MROH2B: variants seen among roughly 807,000 people sequenced by gnomAD.
MROH2B encodes maestro heat like repeat family member 2B, also known as maestro heat-like repeat-containing protein family member 2B.
In MROH2B, 177 loss-of-function variants were observed where a neutral mutation model predicts 208.6. That is an observed-to-expected ratio of 0.85 (90% confidence interval 0.75 to 0.96). The LOEUF is 0.96. Ranked by LOEUF, MROH2B falls within the 40% of genes least tolerant of loss-of-function variation. The probability of loss-of-function intolerance (pLI) is 0.00; values close to 1 mark genes in which losing one functional copy is unlikely to be tolerated. For synonymous variants in MROH2B, 728 were observed against 659.0 expected, an observed-to-expected ratio of 1.10 and a Z score of -1.60; for missense variants, 2,002 against 1,878.7, an observed-to-expected ratio of 1.07 and a Z score of -1.21.
At chr5:41,066,322 C>A (rs1441072883) in intron 3 of MROH2B, among the ~76,000 whole-genome samples, 1 of 152,144 alleles carries the variant, frequency 6.6e-6, no homozygotes, top group Non-Finnish European at 1.5e-5. Context: ...AATATATACT[C>A]ATAAAACCAT....
Position 41,064,917 on chromosome 5 carries a change from C to G in MROH2B, c.362-347G>C, listed in dbSNP as rs549979418. Among the ~76,000 whole-genome samples, 25 of 152,278 alleles carry G rather than the reference C, an allele frequency of 1.6e-4. No homozygotes were observed. In the South Asian group the frequency reaches 5.0e-3, roughly 30 times the overall value. On this transcript the variant is annotated intron_variant, in intron 4 of 41. Coordinates refer to ENST00000399564, the MANE Select transcript of MROH2B (RefSeq NM_173489.5). ...ATTAATTTATTAATGTCAATCTCTC[C>G]CACCAGATCTTTCCTGTATCCCCAA...
chr5:41,065,368 G>T lies in MROH2B; in HGVS notation c.324C>A (p.Phe108Leu), dbSNP rs371986783. Residue 108 changes from phenylalanine (F) to leucine (L), a missense_variant, in exon 4 of 42, where the codon TTC becomes TTA. By Grantham distance (22) the Phe-to-Leu change is conservative. Coordinates refer to ENST00000399564, the MANE Select transcript of MROH2B (RefSeq NM_173489.5). Reference protein sequence around the residue: ...NFRILELPDEFVVLALAELAT... With the variant: ...NFRILELPDELVVLALAELAT... ...CCAATTCAGCCAGGGCAAGCACAAC[G>T]AATTCATCTGGTAGCTCTAAGATCC... 6.8e-6 allele frequency: 11 copies of T among 1,613,092 alleles called. No homozygotes were observed. Among genetic ancestry groups the T allele is most frequent in the East Asian group, 2.2e-5 (1 of 44,874 alleles).
At chr5:41,039,596 T>G in intron 19 of MROH2B, 41 bp from the exon 20 acceptor site, 1 of 1,362,222 alleles carries the variant, frequency 7.3e-7, no homozygotes, top group Non-Finnish European at 1.0e-6. Flanking sequence ...TTTAACCATT[T>G]ATTTATTCAA....
Position 41,018,762 on chromosome 5 carries a change from C to A in MROH2B, c.2602G>T (p.Ala868Ser), listed in dbSNP as rs563729861. 7 of 1,613,666 alleles carry A rather than the reference C, an allele frequency of 4.3e-6. No homozygotes were observed. Among genetic ancestry groups the A allele is most frequent in the Non-Finnish European group, 5.9e-6 (7 of 1,179,840 alleles). Residue 868 changes from alanine to serine, a missense_variant, in exon 26 of 42, where the codon GCC becomes TCC. Physicochemically the swap from Ala to Ser is moderately conservative, Grantham distance 99. Transcript: ENST00000399564. The stretch of plus-strand genomic sequence containing the variant: ...ATGGTCTTCAGAAGTTTTCCTAGGG[C>A]GTCCATGGATCGTTCATAGAGAAAC... ...IQFLYERSMD[A>S]LGKLLKTMMW...
Position 41,038,830 on chromosome 5 carries a change from G to A in MROH2B, c.2120C>T (p.Ala707Val). 3.1e-6 allele frequency: 5 copies of A among 1,613,572 alleles called. No individual in the cohort carries two copies. Among genetic ancestry groups the A allele is most frequent in the Non-Finnish European group, 4.2e-6 (5 of 1,179,712 alleles). The change falls in exon 21 of 42, where the codon GCA (alanine) becomes GTA (valine). Residue 707 changes from alanine to valine, a missense_variant. Physicochemically the swap from Ala to Val is moderately conservative, Grantham distance 64. Transcript: ENST00000399564. ...CTTCTTGGGAGCATGGAGGGCCACT[G>A]CTCCATAGATGACCATGACATCTGT... ...TKTDVMVIYGAVALHAPKKQL... is the reference protein window; with the variant it reads ...TKTDVMVIYGVVALHAPKKQL...
chr5:41,056,968 G>A, intron 9 of MROH2B, 141 bp downstream of exon 9: 1 of 883,102 alleles, frequency 1.1e-6, no homozygotes, highest in Admixed American at 2.2e-5. Flanking sequence ...GGCAGGCACA[G>A]AAAACTGTGA....
intron 24 of MROH2B, among the ~76,000 whole-genome samples, chr5:41,022,394 G>A (rs935947250): frequency 1.3e-5 from 2 of 152,098 alleles, no homozygotes; most frequent in Non-Finnish European, 2.9e-5. Flanking sequence ...GGCACACCAG[G>A]AGATTATATC....
At chr5:41,028,985 T>C (rs1579928488) in intron 24 of MROH2B, among the ~76,000 whole-genome samples, 1 of 152,120 alleles carries the variant, frequency 6.6e-6, no homozygotes, top group Admixed American at 6.6e-5. Flanking sequence ...TTTGGGTATA[T>C]ACACAGAAGA....
intron 16 of MROH2B, 119 bp downstream of exon 16, chr5:41,048,205 A>G: frequency 8.0e-7 from 1 of 1,254,372 alleles, no homozygotes; most frequent in Non-Finnish European, 1.1e-6. Context: ...TACCTTGCAT[A>G]TCAAGTTCAT....
At chr5:41,049,228 A>G (rs1579948470) in intron 14 of MROH2B, 52 bp downstream of exon 14, 1 of 1,610,874 alleles carries the variant, frequency 6.2e-7, no homozygotes, top group East Asian at 2.2e-5. Context: ...GCCTTCCTGG[A>G]AATGGATCCC....
rs529783908 is a variant in MROH2B at position 41,049,438 on chromosome 5, T to C, written c.1345-2A>G. 1 of 1,609,272 alleles carries C rather than the reference T, an allele frequency of 6.2e-7. No homozygotes were observed. The highest frequency in any genetic ancestry group is 1.3e-5 in the African/African-American group (1 of 74,740). Reference sequence around the variant, plus strand: ...AGTCAGGATCCTTGGCCATAGCACCTGTGGAAAACAGGGCATGATGCAAGG... The same window carrying C: ...AGTCAGGATCCTTGGCCATAGCACCCGTGGAAAACAGGGCATGATGCAAGG... On this transcript the variant is annotated splice_acceptor_variant, in intron 13 of 41. Coordinates refer to ENST00000399564, the MANE Select transcript of MROH2B (RefSeq NM_173489.5). LOFTEE classifies it high-confidence loss of function.
In MROH2B at chr5:41,033,162, T is replaced by C; in HGVS notation, c.2242-2A>G. 1.2e-6 allele frequency: 2 copies of C among 1,612,476 alleles called. No individual in the cohort carries two copies. The highest frequency in any genetic ancestry group is 1.7e-6 in the Non-Finnish European group (2 of 1,178,950). On this transcript the variant is annotated splice_acceptor_variant, in intron 22 of 41. Transcript: ENST00000399564. LOFTEE classifies it high-confidence loss of function. Reference sequence around the variant, plus strand: ...GAAACTCATTTGCAGATCCATGTCCTAAAGCAAAAGCATTTACAATGCAAG... The same window carrying C: ...GAAACTCATTTGCAGATCCATGTCCCAAAGCAAAAGCATTTACAATGCAAG...
chr5:41,043,983 T>C (rs1470935818), intron 18 of MROH2B, among the ~76,000 whole-genome samples: 4 of 151,542 alleles, frequency 2.6e-5, no homozygotes, highest in African/African-American at 9.7e-5. Context: ...CTCATGCCTG[T>C]AATCCTAGCA....
Position 41,007,438 on chromosome 5 carries a change from A to T in MROH2B, c.3625T>A (p.Leu1209Ile). Reference sequence around the variant, plus strand: ...ATGGCTTGGGCTTGCAAACATTTTAAAGTAGCAGTTGAAAGCCTAAAGGAG... The same window carrying T: ...ATGGCTTGGGCTTGCAAACATTTTATAGTAGCAGTTGAAAGCCTAAAGGAG... ...PDPCRLSTAT[L>I]KCLQAQAMRE... The change falls in exon 34 of 42, where the codon TTA becomes ATA. Residue 1209 changes from leucine to isoleucine, a missense_variant. Coordinates refer to ENST00000399564, the MANE Select transcript of MROH2B (RefSeq NM_173489.5). The T allele has an allele frequency of 1.3e-6, 2 of 1,577,478 alleles. No homozygotes were observed. The highest frequency in any genetic ancestry group is 2.4e-5 in the South Asian group (2 of 84,162).
At position 41,058,278 on chromosome 5, in the gene MROH2B, T is replaced by C. The variant is rs78848368; in HGVS notation, c.616-75A>G. ...CATAGGTTTTCAGAACACCAGGAGC[T>C]TTAGGTACTCCTGAAAACTTTCCTC... On this transcript the variant is annotated intron_variant, in intron 6 of 41. Transcript: ENST00000399564. 2,465 of 1,368,632 alleles carry C rather than the reference T, an allele frequency of 1.8e-3. 75 individuals are homozygous for C. In the East Asian group the frequency reaches 0.058, roughly 32 times the overall value. 84.8% of individuals were successfully genotyped at this position (1,368,632 alleles called of 1,614,324 possible).
intron 40 of MROH2B, 63 bp from the exon 41 acceptor site, chr5:40,998,740 A>T: frequency 7.1e-7 from 1 of 1,405,502 alleles, no homozygotes; most frequent in African/African-American, 1.4e-5. Flanking sequence ...TGAAAAGTAT[A>T]GCAGGTTAGA....
chr5:41,027,674 A>C (rs188947043), intron 24 of MROH2B, among the ~76,000 whole-genome samples: 4,414 of 152,292 alleles, frequency 0.029, 202 homozygotes, highest in African/African-American at 0.1. Flanking sequence ...TTGACCCAGC[A>C]ATCCCATTAC....
chr5:41,014,233 T>C (rs1306110239), intron 29 of MROH2B, among the ~76,000 whole-genome samples: 1 of 152,210 alleles, frequency 6.6e-6, no homozygotes, highest in African/African-American at 2.4e-5. Context: ...GATGTTGTCT[T>C]ACATGAGGGT....
intron 24 of MROH2B, 64 bp downstream of exon 24, chr5:41,032,678 G>A: frequency 7.4e-7 from 1 of 1,347,726 alleles, no homozygotes; most frequent in Non-Finnish European, 1.0e-6. Context: ...ACAGATGTTA[G>A]TTGATCAGGA....
Sources: gnomAD v4.1 joint callset for allele counts (sites outside exome capture counted in the v4.1 genomes callset) on GRCh38, gnomAD v4.1.1 for gene constraint, MANE v1.5 for transcripts, NCBI Gene and HGNC (gene_info 2026-07-23, HGNC 2026-07-21) for gene names.